SMIM13: variants seen among roughly 807,000 people sequenced by gnomAD.
SMIM13 encodes UPF0766 protein C6orf228.
SMIM13 carries 3 observed loss-of-function variants against 5.9 expected under a neutral mutation model. The ratio of observed to expected loss-of-function variants is 0.51; its 90% confidence interval spans 0.23 to 1.31. SMIM13 has a LOEUF of 1.31. Among genes scored for constraint, SMIM13 ranks in the 40% most tolerant of loss-of-function variants. SMIM13 has a pLI of 0.18. For synonymous variants in SMIM13, 55 were observed against 46.0 expected (o/e 1.19, Z -0.79); for missense variants, 85 against 109.9 (o/e 0.77, Z 1.01).
intron 1 of SMIM13, among the ~76,000 whole-genome samples, chr6:11,117,955 C>T (rs1039710736): frequency 4.6e-5 from 7 of 152,094 alleles, no homozygotes; most frequent in Non-Finnish European, 1.0e-4. Flanking sequence ...AGGCTGGTCT[C>T]GAACTCCTGA....
chr6:11,114,583 A>T (rs1581916362), intron 1 of SMIM13, among the ~76,000 whole-genome samples: 2 of 96,100 alleles, frequency 2.1e-5, no homozygotes, highest in Admixed American at 1.1e-4. Flanking sequence ...ATGGTCATGC[A>T]CTTTTTCTCT....
rs1425424736 is a variant in SMIM13, at chr6:11,117,366, C to T, written c.77-17037C>T. ...TTTTTTTTTTTTTTTTTAATAGAGA[C>T]GGGGTTTCACCAGGTGGCCAGGATG... On this transcript the variant is annotated intron_variant, in intron 1 of 1. Transcript: ENST00000416247. Among the ~76,000 whole-genome samples the T allele has an allele frequency of 2.4e-4, 36 of 147,168 alleles. No individual in the cohort carries two copies. In the East Asian group the frequency reaches 3.4e-3, roughly 14 times the overall value.
At chr6:11,117,185 A>T (rs1184746486) in intron 1 of SMIM13, among the ~76,000 whole-genome samples, 3 of 115,552 alleles carry the variant, frequency 2.6e-5, no homozygotes, top group Non-Finnish European at 5.4e-5. Context: ...TTTTTTTGAG[A>T]CGGAGTCTCG....
At chr6:11,132,419 A>T (rs1370837000) in intron 1 of SMIM13, among the ~76,000 whole-genome samples, 1 of 152,204 alleles carries the variant, frequency 6.6e-6, no homozygotes, top group Non-Finnish European at 1.5e-5. Flanking sequence ...TACACCCGAG[A>T]TAAATGAAAA....
chr6:11,117,395 T>C (rs1442936401), intron 1 of SMIM13, among the ~76,000 whole-genome samples: 2 of 151,208 alleles, frequency 1.3e-5, no homozygotes, highest in African/African-American at 4.9e-5. Context: ...CAGGATGGTC[T>C]CAATCTCTTG....
At chr6:11,109,889 A>G (rs991693444) in intron 1 of SMIM13, among the ~76,000 whole-genome samples, 3 of 151,914 alleles carry the variant, frequency 2.0e-5, no homozygotes, top group Non-Finnish European at 2.9e-5. Context: ...AACCCCTCCA[A>G]TTTCCCTACT....
chr6:11,096,416 G>A (rs1398567918), intron 1 of SMIM13, among the ~76,000 whole-genome samples: 3 of 152,208 alleles, frequency 2.0e-5, no homozygotes, highest in Admixed American at 2.0e-4. Context: ...GGGCTGGAGA[G>A]CCCTGTGCTA....
intron 1 of SMIM13, among the ~76,000 whole-genome samples, chr6:11,094,618 C>A (rs1757899495): frequency 6.6e-6 from 1 of 152,204 alleles, no homozygotes; most frequent in Non-Finnish European, 1.5e-5. Flanking sequence ...CCAGGGCTTC[C>A]TGCCTCTGAG....
intron 1 of SMIM13, among the ~76,000 whole-genome samples, chr6:11,124,289 C>T (rs954766677): frequency 5.9e-5 from 9 of 152,198 alleles, no homozygotes; most frequent in Non-Finnish European, 1.2e-4. Flanking sequence ...ATTTAACATC[C>T]TCCAGTTTCA....
chr6:11,128,738 C>G lies in SMIM13; in HGVS notation c.77-5665C>G, dbSNP rs934749492. ...GTGGGCAATTTCCCTATGGTTAGGA[C>G]TGGTCTAGCTGCTCCCTCTGTGGGT... On this transcript the variant is annotated intron_variant, in intron 1 of 1. Coordinates refer to ENST00000416247, the MANE Select transcript of SMIM13 (RefSeq NM_001135575.2). Among the ~76,000 whole-genome samples, 91 of 152,236 alleles carry G rather than the reference C, an allele frequency of 6.0e-4. 1 individual carries two copies. Among genetic ancestry groups the G allele is most frequent in the African/African-American group, 2.0e-3 (82 of 41,542 alleles).
At chr6:11,122,636 A>G (rs1758326184) in intron 1 of SMIM13, among the ~76,000 whole-genome samples, 1 of 151,586 alleles carries the variant, frequency 6.6e-6, no homozygotes, top group Non-Finnish European at 1.5e-5. Context: ...CTGACTAAGT[A>G]GTTCCTCTGC....
intron 1 of SMIM13, among the ~76,000 whole-genome samples, chr6:11,130,391 A>C (rs1207402047): frequency 6.6e-6 from 1 of 152,096 alleles, no homozygotes; most frequent in Non-Finnish European, 1.5e-5. Flanking sequence ...TAACTACTAC[A>C]TGTTTTCCCC....
chr6:11,109,908 C>T (rs1337195398), intron 1 of SMIM13, among the ~76,000 whole-genome samples: 3 of 152,050 alleles, frequency 2.0e-5, no homozygotes, highest in Non-Finnish European at 2.9e-5. Flanking sequence ...CTGTCTTTTT[C>T]CTGAACTTAC....
At chr6:11,120,994 T>C (rs183272137) in intron 1 of SMIM13, among the ~76,000 whole-genome samples, 31 of 152,322 alleles carry the variant, frequency 2.0e-4, no homozygotes, top group African/African-American at 7.5e-4. Context: ...TTATCTTACA[T>C]AGAAAACAAT....
In SMIM13 at chr6:11,116,982, C is replaced by CTTTTTT. The variant is rs68092921; in HGVS notation, c.77-17399_77-17394dup. 5.0e-4 allele frequency among the ~76,000 whole-genome samples: 23 copies of CTTTTTT among 46,446 alleles called. 4 individuals carry two copies. Among genetic ancestry groups the CTTTTTT allele is most frequent in the Admixed American group, 1.2e-3 (4 of 3,418 alleles). The allele number at this position is 46,446 out of a possible 152,430, so 30.5% of individuals were successfully genotyped here. ...AATAGACATTTAATGATAATTGTTTCTTTTTTTTTTTTTTTTTTTTTTTTT... is the reference window on the plus strand; with the variant it reads ...AATAGACATTTAATGATAATTGTTTCTTTTTTTTTTTTTTTTTTTTTTTTTTTTTTT... On this transcript the variant is annotated intron_variant, in intron 1 of 1. Coordinates refer to ENST00000416247, the MANE Select transcript of SMIM13 (RefSeq NM_001135575.2).
At chr6:11,124,379 T>A (rs962108140) in intron 1 of SMIM13, among the ~76,000 whole-genome samples, 13 of 152,360 alleles carry the variant, frequency 8.5e-5, no homozygotes, top group African/African-American at 2.9e-4. Flanking sequence ...ACCACATTTT[T>A]AAAATCCATT....
At chr6:11,104,411 AAT>A (rs1290699772) in intron 1 of SMIM13, 45 of 1,551,580 alleles carry the variant, frequency 2.9e-5, no homozygotes, top group Non-Finnish European at 3.7e-5. Context: ...ACTGGCCACA[AAT>A]ATAAAAGGCT....
intron 1 of SMIM13, among the ~76,000 whole-genome samples, chr6:11,106,765 G>T (rs943723586): frequency 9.8e-5 from 15 of 152,292 alleles, no homozygotes; most frequent in East Asian, 9.6e-4. Flanking sequence ...AGTTTCATTA[G>T]AGCCCCTTTG....
At chr6:11,105,056 C>T in intron 1 of SMIM13, 2 of 1,614,176 alleles carry the variant, frequency 1.2e-6, no homozygotes, top group Non-Finnish European at 1.7e-6. Context: ...CAGGCCTCAT[C>T]AGTCCTTTCA....
Sources: allele counts gnomAD v4.1 joint callset (sites outside exome capture counted in the v4.1 genomes callset), GRCh38; gene constraint gnomAD v4.1.1; transcripts MANE v1.5; gene names NCBI Gene and HGNC (gene_info 2026-07-23, HGNC 2026-07-21).